C20orf96: variants seen among roughly 807,000 people sequenced by gnomAD.
C20orf96 encodes uncharacterized protein C20orf96.
A neutral mutation model predicts 52.6 loss-of-function variants in C20orf96; 57 were observed. The observed-to-expected ratio is 1.08, with a 90% CI of 0.88 to 1.35. The LOEUF is 1.35. Ranked by LOEUF, C20orf96 falls within the 40% of genes most tolerant of loss-of-function variation. The probability of loss-of-function intolerance (pLI) is 0.00; values close to 1 mark genes in which losing one functional copy is unlikely to be tolerated. For synonymous variants in C20orf96, 168 were observed against 157.2 expected, an observed-to-expected ratio of 1.07 and a Z score of -0.51; for missense variants, 478 against 443.6, an observed-to-expected ratio of 1.08 and a Z score of -0.70.
Position 270,923 on chromosome 20 carries a change from A to T in C20orf96, c.*284T>A, listed in dbSNP as rs2011803725. On this transcript the variant is annotated 3_prime_UTR_variant, in exon 11 of 11. Coordinates refer to ENST00000360321, the MANE Select transcript of C20orf96 (RefSeq NM_153269.3). ...ATAGCAGATTTAATCAGAAATTCCC[A>T]CCTGGCCCAGCAGCACCAACCAGAA... The T allele has an allele frequency of 4.6e-6, 2 of 433,746 alleles. No individual in the cohort carries two copies. The highest frequency in any genetic ancestry group is 6.1e-4 in the Middle Eastern group (1 of 1,652). The allele number at this position is 433,746 out of a possible 1,614,324, so 26.9% of individuals were successfully genotyped here.
At chr20:287,802 G>A (rs990323589) in intron 3 of C20orf96, among the ~76,000 whole-genome samples, 23 of 150,824 alleles carry the variant, frequency 1.5e-4, no homozygotes, top group African/African-American at 4.4e-4. Context: ...CCAGCTACTC[G>A]GGAGGCTAAG....
chr20:279,102 C>G lies in C20orf96; in HGVS notation c.465+70G>C, dbSNP rs1451393548. 464 of 608,024 alleles carry G rather than the reference C, an allele frequency of 7.6e-4. 6 individuals are homozygous for G. Among genetic ancestry groups the G allele is most frequent in the African/African-American group, 5.1e-3 (46 of 9,096 alleles). The allele number at this position is 608,024 out of a possible 1,614,324, so 37.7% of individuals were successfully genotyped here. On this transcript the variant is annotated intron_variant, in intron 5 of 10. Transcript: ENST00000360321. ...AGGGACGGAGGGCGGGACGGAGGGA[C>G]GGAGGGAGGGAGGGAGGGACGGAGG...
chr20:276,142 G>C, intron 9 of C20orf96, 56 bp from the exon 10 acceptor site: 1 of 1,609,592 alleles, frequency 6.2e-7, no homozygotes, highest in Non-Finnish European at 8.5e-7. Flanking sequence ...CCCAACCAAA[G>C]GGAGAAAGGC....
In C20orf96 at chr20:276,008, G is replaced by A. The variant is rs202179540; in HGVS notation, c.991C>T (p.Arg331Ter). The part of the protein sequence containing the change: ...EELQAQTREP[R>*]EVIFEDVLLR... ...AGAACATCCTCAAATATGACCTCTC[G>A]GGGTTCCCGGGTCTGGGCTTGGAGC... is the stretch of plus-strand genomic sequence containing the variant. The change falls in exon 10 of 11, where the codon CGA becomes TGA. Residue 331 changes from arginine (R) to a stop codon, truncating the protein, a stop_gained. Transcript: ENST00000360321. LOFTEE classifies it high-confidence loss of function. 1.7e-4 allele frequency: 281 copies of A among 1,614,018 alleles called. No individual in the cohort carries two copies. Among genetic ancestry groups the A allele is most frequent in the Non-Finnish European group, 2.1e-4 (252 of 1,180,026 alleles).
intron 6 of C20orf96, 72 bp downstream of exon 6, chr20:278,258 G>C (rs995238209): frequency 2.5e-5 from 27 of 1,098,564 alleles, no homozygotes; most frequent in Non-Finnish European, 3.4e-5. Flanking sequence ...GCAAGTACAA[G>C]GTGAATGCTC....
intron 10 of C20orf96, among the ~76,000 whole-genome samples, chr20:275,345 G>A (rs2011983621): frequency 6.6e-6 from 1 of 151,344 alleles, no homozygotes; most frequent in African/African-American, 2.4e-5. Flanking sequence ...AGAAATAGAA[G>A]AAAAGGAAGA....
rs373256889 is a variant in C20orf96, at chr20:276,999, G to A, written c.825+45C>T. ...AGGATGGGGAAGAGGGCGGGGTGGG[G>A]GTGAGACCTGGATCCCCGCTCCCAC... is the stretch of plus-strand genomic sequence containing the variant. On this transcript the variant is annotated intron_variant, in intron 8 of 10. Transcript: ENST00000360321. 1.8e-4 allele frequency: 291 copies of A among 1,594,616 alleles called. 3 individuals are homozygous for A. The highest frequency in any genetic ancestry group is 1.3e-3 in the South Asian group (119 of 89,292).
Position 276,072 on chromosome 20 carries a change from A to AT in C20orf96, c.926_927insA (p.Phe309LeufsTer2). ...CCCTTAATACAGGCATGTTCTCCTC[A>AT]AACTGGTCAATAATCTGAGAGGAAA... On this transcript the variant is annotated frameshift_variant, in exon 10 of 11. Coordinates refer to ENST00000360321, the MANE Select transcript of C20orf96 (RefSeq NM_153269.3). LOFTEE classifies it high-confidence loss of function. The AT allele has an allele frequency of 6.2e-7, 1 of 1,614,114 alleles. No individual in the cohort carries two copies. Among genetic ancestry groups the AT allele is most frequent in the Non-Finnish European group, 8.5e-7 (1 of 1,180,006 alleles).
intron 10 of C20orf96, among the ~76,000 whole-genome samples, chr20:274,072 G>A (rs1478442433): frequency 6.6e-6 from 1 of 152,084 alleles, no homozygotes; most frequent in Non-Finnish European, 1.5e-5. Flanking sequence ...AAAAAGAAAT[G>A]TAGATTCATG....
chr20:290,563 A>ATTTTTTTTTTTTT lies in C20orf96; in HGVS notation c.20+15_20+27dup. 1.5e-6 allele frequency: 2 copies of ATTTTTTTTTTTTT among 1,309,060 alleles called. 1 individual carries two copies. Among genetic ancestry groups the ATTTTTTTTTTTTT allele is most frequent in the Admixed American group, 4.5e-5 (2 of 44,654 alleles). 81.1% of individuals were successfully genotyped at this position (1,309,060 alleles called of 1,614,324 possible). ...GCATGCGTATTCCGCCTTTCTTCCA[A>ATTTTTTTTTTTTT]TTTTTTTTTTTTTTTTTTTTTACCT... On this transcript the variant is annotated intron_variant, in intron 1 of 10. Transcript: ENST00000360321.
intron 6 of C20orf96, 30 bp downstream of exon 6, chr20:278,300 A>G: frequency 6.5e-7 from 1 of 1,529,394 alleles, no homozygotes; most frequent in Non-Finnish European, 9.1e-7. Flanking sequence ...GCCAGGGGGG[A>G]GGGTCAAGGA....
intron 2 of C20orf96, 124 bp from the exon 3 acceptor site, chr20:289,800 A>T (rs1045792316): frequency 1.4e-6 from 1 of 704,128 alleles, no homozygotes; most frequent in Non-Finnish European, 2.5e-6. Context: ...CTCATCTGTA[A>T]AGTGGATCTA....
chr20:290,408 AGTTTACC>A, intron 1 of C20orf96, 101 bp from the exon 2 acceptor site: 1 of 1,561,018 alleles, frequency 6.4e-7, no homozygotes, highest in South Asian at 1.2e-5. Context: ...CAGAAACTGC[AGTTTACC>A]GGGGACAATA....
chr20:276,974 A>C (rs569699998), intron 8 of C20orf96, 70 bp downstream of exon 8: 2 of 1,594,488 alleles, frequency 1.3e-6, no homozygotes, highest in African/African-American at 2.7e-5. Context: ...CTGGAGGCAG[A>C]GGATGGGGAA....
chr20:282,285 A>G (rs2012272922), intron 4 of C20orf96, among the ~76,000 whole-genome samples: 1 of 152,036 alleles, frequency 6.6e-6, no homozygotes, highest in Non-Finnish European at 1.5e-5. Flanking sequence ...TTTAGCTCTT[A>G]TCATCATTTC....
intron 2 of C20orf96, among the ~76,000 whole-genome samples, chr20:289,976 G>A (rs1444903580): frequency 6.6e-6 from 1 of 152,180 alleles, no homozygotes; most frequent in East Asian, 1.9e-4. Flanking sequence ...AGAAACAGAA[G>A]GCATGGAAAA....
At chr20:271,483 C>A (rs1275893152) in intron 10 of C20orf96, among the ~76,000 whole-genome samples, 1 of 141,964 alleles carries the variant, frequency 7.0e-6, no homozygotes, top group Non-Finnish European at 1.5e-5. Flanking sequence ...CACACACATA[C>A]ACACACATCA....
chr20:278,273 G>T lies in C20orf96; in HGVS notation c.565+57C>A. 4 of 1,287,206 alleles carry T rather than the reference G, an allele frequency of 3.1e-6. No homozygotes were observed. The South Asian group carries it at 3.6e-5, about 11-fold the overall frequency. The allele number at this position is 1,287,206 out of a possible 1,614,324, so 79.7% of individuals were successfully genotyped here. ...GCAAGTACAAGGTGAATGCTCTGCT[G>T]CTGACCTCCCCAAGGTGCCAGGGGG... On this transcript the variant is annotated intron_variant, in intron 6 of 10. Transcript: ENST00000360321.
chr20:273,721 A>G (rs2011912116), intron 10 of C20orf96, among the ~76,000 whole-genome samples: 2 of 151,902 alleles, frequency 1.3e-5, no homozygotes, highest in South Asian at 2.1e-4. Flanking sequence ...ACTAAAAAAC[A>G]TAAAAATTAG....
Sources: allele counts gnomAD v4.1 joint callset (sites outside exome capture counted in the v4.1 genomes callset), GRCh38; gene constraint gnomAD v4.1.1; transcripts MANE v1.5; gene names NCBI Gene and HGNC (gene_info 2026-07-23, HGNC 2026-07-21).